MICU1: variants seen among roughly 807,000 people sequenced by gnomAD.
MICU1 encodes calcium uptake protein 1, mitochondrial.
A neutral mutation model predicts 56.8 loss-of-function variants in MICU1; 45 were observed. That is an observed-to-expected ratio of 0.79 (90% CI 0.62 to 1.02). The LOEUF is 1.02. Ranked by LOEUF, MICU1 falls within the 50% of genes least tolerant of loss-of-function variation. MICU1 has a pLI of 0.00. For synonymous variants in MICU1, 186 were observed against 195.1 expected (o/e 0.95, Z 0.39); for missense variants, 504 against 587.1 (o/e 0.86, Z 1.46).
chr10:72,413,883 C>T (rs939596247), intron 9 of MICU1, among the ~76,000 whole-genome samples: 3 of 152,066 alleles, frequency 2.0e-5, no homozygotes, highest in Non-Finnish European at 4.4e-5. Context: ...GTACATGAAA[C>T]AATGCTTAGC....
chr10:72,607,021 G>C (rs1841709037), intron 1 of MICU1, among the ~76,000 whole-genome samples: 1 of 152,010 alleles, frequency 6.6e-6, no homozygotes, highest in African/African-American at 2.4e-5. Flanking sequence ...ACATCTGGCT[G>C]TTTCTTAGTT....
chr10:72,604,552 C>T (rs938397203), intron 1 of MICU1, among the ~76,000 whole-genome samples: 11 of 151,514 alleles, frequency 7.3e-5, no homozygotes, highest in African/African-American at 1.9e-4. Context: ...GGATTACAGG[C>T]ATGAGCCAGC....
In MICU1 at chr10:72,566,633, C is replaced by T. The variant is rs1355680504; in HGVS notation, c.161G>A (p.Arg54Lys). Residue 54 changes from arginine (R) to lysine (K), a missense_variant and splice_region_variant, in exon 2 of 12, where the codon AGG (arginine) becomes AAG (lysine). Physicochemically the swap from Arg to Lys is conservative, Grantham distance 26. Transcript: ENST00000361114. Reference protein sequence around the residue: ...VTASTGLLWKRAHAESPPCVD... With the variant: ...VTASTGLLWKKAHAESPPCVD... ...AACAAGATGGTTGGATAACACTCACCTCTTCCACAAAAGACCAGTACTTGC... is the reference window on the plus strand; with the variant it reads ...AACAAGATGGTTGGATAACACTCACTTCTTCCACAAAAGACCAGTACTTGC... 6.2e-7 allele frequency: 1 copy of T among 1,611,088 alleles called. No homozygotes were observed. The highest frequency in any genetic ancestry group is 8.5e-7 in the Non-Finnish European group (1 of 1,178,688).
chr10:72,549,562 G>T (rs2132440548), intron 4 of MICU1, among the ~76,000 whole-genome samples: 1 of 152,040 alleles, frequency 6.6e-6, no homozygotes, highest in South Asian at 2.1e-4. Flanking sequence ...TCTATATAAT[G>T]AGCTATTATT....
chr10:72,538,894 G>C (rs1839701022), intron 4 of MICU1, among the ~76,000 whole-genome samples: 1 of 151,906 alleles, frequency 6.6e-6, no homozygotes, highest in African/African-American at 2.4e-5. Context: ...CTGAAAGTAA[G>C]TAAAGGGAAA....
intron 8 of MICU1, among the ~76,000 whole-genome samples, chr10:72,462,578 A>C (rs1241911527): frequency 6.6e-6 from 1 of 152,190 alleles, no homozygotes; most frequent in Non-Finnish European, 1.5e-5. Context: ...TGTAGCTAGA[A>C]GTGTATATAT....
intron 1 of MICU1, among the ~76,000 whole-genome samples, chr10:72,581,677 T>C (rs965541534): frequency 2.6e-5 from 4 of 152,144 alleles, no homozygotes; most frequent in Admixed American, 1.3e-4. Flanking sequence ...TACTGCTCAA[T>C]TAAACTAGAG....
At chr10:72,381,078 G>C (rs1337140654) in intron 10 of MICU1, among the ~76,000 whole-genome samples, 2 of 152,122 alleles carry the variant, frequency 1.3e-5, no homozygotes, top group African/African-American at 4.8e-5. Flanking sequence ...GTGGCCCTGG[G>C]AGTTTTTCTC....
At chr10:72,519,266 AC>A (rs1487896232) in intron 5 of MICU1, among the ~76,000 whole-genome samples, 2 of 152,212 alleles carry the variant, frequency 1.3e-5, no homozygotes, top group Non-Finnish European at 2.9e-5. Context: ...CACTGATATG[AC>A]CTAGTCTTAG....
chr10:72,585,237 C>T (rs1383704201), intron 1 of MICU1, among the ~76,000 whole-genome samples: 1 of 151,972 alleles, frequency 6.6e-6, no homozygotes, highest in African/African-American at 2.4e-5. Context: ...CAGGTGCCCA[C>T]CACCATGCCC....
At chr10:72,591,669 A>C (rs1841228459) in intron 1 of MICU1, among the ~76,000 whole-genome samples, 1 of 152,136 alleles carries the variant, frequency 6.6e-6, no homozygotes, top group East Asian at 1.9e-4. Context: ...ACCATGATTA[A>C]ATCACCCCAA....
At chr10:72,392,040 A>G (rs745668266) in intron 10 of MICU1, 9 of 152,344 alleles carry the variant, frequency 5.9e-5, no homozygotes, top group Non-Finnish European at 1.2e-4. Flanking sequence ...CAAGGATGAC[A>G]CACAAATTCG....
chr10:72,507,520 G>T (rs1867293567), intron 6 of MICU1, among the ~76,000 whole-genome samples: 1 of 152,188 alleles, frequency 6.6e-6, no homozygotes, highest in Non-Finnish European at 1.5e-5. Context: ...GGAAATGATA[G>T]ATCAAAATAT....
chr10:72,456,258 T>C (rs1865454311), intron 8 of MICU1, among the ~76,000 whole-genome samples: 5 of 152,202 alleles, frequency 3.3e-5, no homozygotes. Context: ...AATCCTATAA[T>C]CTGGGGAAGG....
chr10:72,578,689 C>T (rs934552623), intron 1 of MICU1, among the ~76,000 whole-genome samples: 8 of 152,078 alleles, frequency 5.3e-5, no homozygotes, highest in Non-Finnish European at 1.0e-4. Flanking sequence ...CTCACTACAG[C>T]CTCCACCTCC....
intron 1 of MICU1, among the ~76,000 whole-genome samples, chr10:72,603,249 T>G (rs892903223): frequency 2.6e-5 from 4 of 151,308 alleles, no homozygotes; most frequent in African/African-American, 9.7e-5. Flanking sequence ...TAGCCAGGCA[T>G]GGTGTTGCAC....
At chr10:72,409,931 A>C (rs1863753777) in intron 9 of MICU1, among the ~76,000 whole-genome samples, 1 of 152,114 alleles carries the variant, frequency 6.6e-6, no homozygotes. Context: ...TCTCCCCACA[A>C]CATGTCCCTT....
intron 10 of MICU1, among the ~76,000 whole-genome samples, chr10:72,396,660 C>T (rs540673069): frequency 2.0e-5 from 3 of 152,162 alleles, no homozygotes; most frequent in East Asian, 1.9e-4. Context: ...ATAGCTGATT[C>T]GATCAAGTGG....
intron 3 of MICU1, among the ~76,000 whole-genome samples, chr10:72,553,900 T>C (rs1453557653): frequency 6.6e-6 from 1 of 152,136 alleles, no homozygotes; most frequent in African/African-American, 2.4e-5. Flanking sequence ...AACTATCATG[T>C]AAAGAGTTCA....
Sources: gnomAD v4.1 joint callset for allele counts (sites outside exome capture counted in the v4.1 genomes callset) on GRCh38, gnomAD v4.1.1 for gene constraint, MANE v1.5 for transcripts, NCBI Gene and HGNC (gene_info 2026-07-23, HGNC 2026-07-21) for gene names.